WSCD1: variants seen among roughly 807,000 people sequenced by gnomAD.
WSCD1 encodes the protein WSC domain sialate O sulfotransferase 1.
In WSCD1, 41 loss-of-function variants were observed where a neutral mutation model predicts 60.4. That is an observed-to-expected ratio of 0.68 (90% CI 0.53 to 0.88). WSCD1 has a LOEUF of 0.88. WSCD1 is among the 40% of genes least tolerant of loss of function. The pLI, the probability that WSCD1 is intolerant of heterozygous loss-of-function variation, is 0.00. For synonymous variants in WSCD1, 361 were observed against 332.5 expected (o/e 1.09, Z -0.93); for missense variants, 784 against 796.2 (o/e 0.98, Z 0.18).
At chr17:6,070,708 T>TG (rs1908482906) in intron 1 of WSCD1, 56 bp downstream of exon 1, 1 of 150,742 alleles carries the variant, frequency 6.6e-6, no homozygotes. Context: ...GCGAGCAGGG[T>TG]GTTCCCCTTG....
intron 5 of WSCD1, among the ~76,000 whole-genome samples, chr17:6,103,142 C>T (rs1253034056): frequency 2.6e-5 from 4 of 152,158 alleles, no homozygotes; most frequent in South Asian, 2.1e-4. Flanking sequence ...TTAGTTTTCT[C>T]GTCTGCTAAA....
chr17:6,120,274 C>A (rs745663759), intron 8 of WSCD1, 35 bp from the exon 9 acceptor site: 6 of 1,589,750 alleles, frequency 3.8e-6, no homozygotes, highest in East Asian at 2.2e-5. Context: ...GCAGGGCCAG[C>A]CCCCGACTCT....
intron 7 of WSCD1, among the ~76,000 whole-genome samples, chr17:6,114,707 A>G (rs751227902): frequency 5.9e-5 from 9 of 151,966 alleles, no homozygotes; most frequent in Non-Finnish European, 1.2e-4. Flanking sequence ...CAGTTCTGGG[A>G]TGCATGTGCA....
chr17:6,087,878 G>A, intron 2 of WSCD1, 112 bp from the exon 3 acceptor site: 3 of 793,008 alleles, frequency 3.8e-6, no homozygotes, highest in South Asian at 1.7e-5. Context: ...TCATCTCCCG[G>A]GTTTCTCTGA....
At chr17:6,094,989 C>T (rs1488807351) in intron 4 of WSCD1, 113 bp from the exon 5 acceptor site, 3 of 1,476,512 alleles carry the variant, frequency 2.0e-6, no homozygotes, top group Non-Finnish European at 2.7e-6. Context: ...TTTGAACTCG[C>T]CTCGTAAGTT....
Position 6,120,574 on chromosome 17 carries a change from C to T in WSCD1, c.1641C>T (p.Asp547=), listed in dbSNP as rs761583073. 2 of 1,613,790 alleles carry T rather than the reference C, an allele frequency of 1.2e-6. No homozygotes were observed. Among genetic ancestry groups the T allele is most frequent in the Non-Finnish European group, 1.7e-6 (2 of 1,180,000 alleles). ...AGCCCTTCACCCCGGAGATGAAAGACTTGATCAATGGCTACATCCGGACGG... is the reference window on the plus strand; with the variant it reads ...AGCCCTTCACCCCGGAGATGAAAGATTTGATCAATGGCTACATCCGGACGG... The part of the protein sequence containing the change: ...DPEPFTPEMK[D]LINGYIRTVD... The change falls in exon 9 of 9, where the codon GAC becomes GAT. Residue 547 remains aspartate, a synonymous_variant. Coordinates refer to ENST00000317744, the MANE Select transcript of WSCD1 (RefSeq NM_015253.2).
At chr17:6,090,583 A>G (rs929111198) in intron 4 of WSCD1, 78 bp downstream of exon 4, 63 of 1,542,854 alleles carry the variant, frequency 4.1e-5, no homozygotes, top group East Asian at 9.6e-5. Context: ...CAACCTCTCA[A>G]TGAAACTACC....
At chr17:6,108,313 G>A (rs1911216766) in intron 5 of WSCD1, among the ~76,000 whole-genome samples, 2 of 152,168 alleles carry the variant, frequency 1.3e-5, no homozygotes, top group African/African-American at 4.8e-5. Context: ...AAAGGTTTGT[G>A]CAGTGTTCCC....
intron 5 of WSCD1, among the ~76,000 whole-genome samples, chr17:6,099,686 A>G (rs1313829651): frequency 6.6e-6 from 1 of 151,604 alleles, no homozygotes; most frequent in Non-Finnish European, 1.5e-5. Context: ...TGGGAGGGCC[A>G]GGTTTTTCAA....
intron 4 of WSCD1, among the ~76,000 whole-genome samples, chr17:6,094,829 T>C (rs952434628): frequency 2.0e-5 from 3 of 150,850 alleles, no homozygotes; most frequent in African/African-American, 5.0e-5. Context: ...GAATGACTTA[T>C]GGAGAACTGG....
chr17:6,072,827 T>A (rs1300820069), intron 1 of WSCD1, among the ~76,000 whole-genome samples: 4 of 152,192 alleles, frequency 2.6e-5, no homozygotes, highest in Non-Finnish European at 5.9e-5. Flanking sequence ...TGAAAAATTA[T>A]CGGAAGTGTG....
At chr17:6,069,798 TGTGC>T (rs1374674567), upstream of WSCD1, among the ~76,000 whole-genome samples, 2,568 of 33,996 alleles carry the variant, frequency 0.076, 69 homozygotes, top group African/African-American at 0.22. Flanking sequence ...TGTGTGTGTG[TGTGC>T]GTGCGTGTGT....
At chr17:6,108,307 G>A (rs1027753104) in intron 5 of WSCD1, among the ~76,000 whole-genome samples, 3 of 152,108 alleles carry the variant, frequency 2.0e-5, no homozygotes, top group Admixed American at 2.0e-4. Context: ...AAATAAAAAG[G>A]TTTGTGCAGT....
At position 6,081,173 on chromosome 17, in the gene WSCD1, C is replaced by T. The variant is rs1160259882; in HGVS notation, c.427+88C>T. The T allele has an allele frequency of 8.6e-6, 12 of 1,400,990 alleles. No individual in the cohort carries two copies. The East Asian group carries it at 2.3e-4, about 26-fold the overall frequency. 86.8% of individuals were successfully genotyped at this position (1,400,990 alleles called of 1,614,324 possible). A position where few individuals can be genotyped will look rare whatever the true frequency, so the allele number is the denominator to read the frequency against. On this transcript the variant is annotated intron_variant, in intron 2 of 8. Coordinates refer to ENST00000317744, the MANE Select transcript of WSCD1 (RefSeq NM_015253.2). The stretch of plus-strand genomic sequence containing the variant: ...TGGTGTCCCCTTTCTCTCTGCAGGC[C>T]TGTGGCCTTCACCGCTAGATGGTTC...
intron 5 of WSCD1, among the ~76,000 whole-genome samples, chr17:6,103,209 T>A (rs1910902248): frequency 6.6e-6 from 1 of 152,248 alleles, no homozygotes; most frequent in South Asian, 2.1e-4. Context: ...TCAGTGACTT[T>A]GTGGGCACGA....
At chr17:6,100,890 G>A (rs1489817438) in intron 5 of WSCD1, among the ~76,000 whole-genome samples, 1 of 152,186 alleles carries the variant, frequency 6.6e-6, no homozygotes, top group Non-Finnish European at 1.5e-5. Flanking sequence ...GCTGAATCCT[G>A]GGGAGCAATG....
At chr17:6,107,327 C>T (rs554794781) in intron 5 of WSCD1, among the ~76,000 whole-genome samples, 2 of 151,968 alleles carry the variant, frequency 1.3e-5, no homozygotes, top group East Asian at 3.9e-4. Context: ...GTGGTGAAAC[C>T]CCATCTCTAC....
intron 7 of WSCD1, among the ~76,000 whole-genome samples, chr17:6,114,109 G>A (rs1329114708): frequency 2.2e-5 from 3 of 133,960 alleles, no homozygotes; most frequent in African/African-American, 8.4e-5. Context: ...ATCAATAGGT[G>A]AATTTTTAAA....
intron 2 of WSCD1, among the ~76,000 whole-genome samples, chr17:6,083,496 C>A (rs1420070455): frequency 6.6e-6 from 1 of 152,212 alleles, no homozygotes; most frequent in Non-Finnish European, 1.5e-5. Context: ...AACTGACCAG[C>A]AGCCTCCCAA....
Sources: allele counts gnomAD v4.1 joint callset (sites outside exome capture counted in the v4.1 genomes callset), GRCh38; gene constraint gnomAD v4.1.1; transcripts MANE v1.5; gene names NCBI Gene and HGNC (gene_info 2026-07-23, HGNC 2026-07-21).